The following DMXL1 variants were observed in gnomAD, a reference collection of about 807,000 sequenced individuals.
DMXL1 encodes the protein dmX-like protein 1.
In DMXL1, 99 loss-of-function variants were observed where a neutral mutation model predicts 319.2. The observed-to-expected ratio is 0.31, with a 90% confidence interval of 0.26 to 0.37. DMXL1 has a LOEUF of 0.37. Among genes scored for constraint, DMXL1 ranks in the 10% least tolerant of loss-of-function variants. The pLI is 1.00. For synonymous variants in DMXL1, 1,385 were observed against 1,235.2 expected (o/e 1.12, Z -2.54); for missense variants, 3,745 against 3,595.6 (o/e 1.04, Z -1.06).
chr5:119,200,611 T>G (rs1041788044), intron 32 of DMXL1, among the ~76,000 whole-genome samples: 8 of 152,154 alleles, frequency 5.3e-5, no homozygotes, highest in Non-Finnish European at 8.8e-5. Flanking sequence ...GTGAAGAATG[T>G]TGGTGGTGGT....
chr5:119,244,290 T>C, intron 42 of DMXL1, 69 bp from the exon 43 acceptor site: 4 of 1,279,222 alleles, frequency 3.1e-6, no homozygotes, highest in Non-Finnish European at 4.3e-6. Context: ...TATTTCACTT[T>C]AGCCAAAAGC....
intron 28 of DMXL1, 102 bp downstream of exon 28, chr5:119,178,346 A>G: frequency 7.5e-7 from 1 of 1,328,764 alleles, no homozygotes; most frequent in East Asian, 2.4e-5. Flanking sequence ...AGTTCTGGTT[A>G]GAGACCATTT....
intron 1 of DMXL1, among the ~76,000 whole-genome samples, chr5:119,077,859 ACG>A (rs1491425689): frequency 8.0e-6 from 1 of 124,308 alleles, no homozygotes; most frequent in African/African-American, 3.3e-5. Context: ...GTGTATATAT[ACG>A]TGTGTGTGTG....
Position 119,164,651 on chromosome 5 carries a change from G to T in DMXL1, c.4847G>T (p.Arg1616Leu), listed in dbSNP as rs372431475. The change falls in exon 20 of 44, where the codon CGC (arginine) becomes CTC (leucine). Residue 1616 changes from arginine to leucine, a missense_variant. Arg to Leu is a moderately radical substitution (Grantham distance 102). This residue lies in a region of DMXL1 where 2,096 missense variants were observed against 1,985.4 expected (regional missense o/e 1.06). Transcript: ENST00000539542. ...GTGGGGTGGTGGGTCCGGAATACCC[G>T]CATCTTACGCAAATGCATAGAAAAA... The part of the protein sequence containing the change: ...MGVGWWVRNT[R>L]ILRKCIEKVA... The T allele has an allele frequency of 1.9e-6, 3 of 1,600,418 alleles. No individual in the cohort carries two copies. Among genetic ancestry groups the T allele is most frequent in the Admixed American group, 1.7e-5 (1 of 59,118 alleles).
chr5:119,133,606 A>T lies in DMXL1; in HGVS notation c.1682A>T (p.Gln561Leu), dbSNP rs780502662. The change falls in exon 12 of 44, where the codon CAG becomes CTG. Residue 561 changes from glutamine to leucine, a missense_variant. Physicochemically the swap from Gln to Leu is moderately radical, Grantham distance 113. Coordinates refer to ENST00000539542, the MANE Select transcript of DMXL1 (RefSeq NM_001290321.3). ...CTKNVDLAIQ[Q>L]GKQKPSGLTR... ...AAGAATGTTGACTTGGCTATTCAGC[A>T]GGGGAAACAAAAACCTTCTGGCCTC... 8 of 1,614,232 alleles carry T rather than the reference A, an allele frequency of 5.0e-6. No homozygotes were observed. Among genetic ancestry groups the T allele is most frequent in the Non-Finnish European group, 6.8e-6 (8 of 1,180,042 alleles).
At chr5:119,118,432 GT>G (rs1285306048) in intron 7 of DMXL1, among the ~76,000 whole-genome samples, 2 of 152,056 alleles carry the variant, frequency 1.3e-5, no homozygotes, top group Admixed American at 6.6e-5. Flanking sequence ...CTCAGTCTTT[GT>G]TTTTTTAGAT....
Position 119,071,560 on chromosome 5 carries a change from G to C in DMXL1, c.-10G>C. On this transcript the variant is annotated 5_prime_UTR_variant, in exon 1 of 44. An upstream open reading frame in the 5' UTR loses its in-frame stop. Coordinates refer to ENST00000539542, the MANE Select transcript of DMXL1 (RefSeq NM_001290321.3). ...GGATGCGGTGTCCGTTGCAGGACTA[G>C]GGCGCCGACATGAACCTGCACCAGG... The C allele has an allele frequency of 6.2e-7, 1 of 1,600,450 alleles. No homozygotes were observed. The highest frequency in any genetic ancestry group is 8.5e-7 in the Non-Finnish European group (1 of 1,173,786).
intron 9 of DMXL1, among the ~76,000 whole-genome samples, chr5:119,126,215 G>A (rs1173897477): frequency 2.6e-5 from 4 of 152,240 alleles, no homozygotes; most frequent in South Asian, 2.1e-4. Flanking sequence ...CCTGGGAGGC[G>A]GAGGTTGTAG....
intron 30 of DMXL1, among the ~76,000 whole-genome samples, 185 bp downstream of exon 30, chr5:119,194,155 C>G (rs79796000): frequency 6.6e-6 from 1 of 152,070 alleles, no homozygotes; most frequent in African/African-American, 2.4e-5. Context: ...CTTTATAACA[C>G]ATTGTAACTC....
intron 1 of DMXL1, 36 bp from the exon 2 acceptor site, chr5:119,097,943 G>T: frequency 2.0e-6 from 3 of 1,534,110 alleles, no homozygotes; most frequent in Middle Eastern, 2.0e-4. Flanking sequence ...ATGTTTCCTT[G>T]ACACTTTTAT....
At position 119,105,278 on chromosome 5, in the gene DMXL1, T is replaced by C; in HGVS notation, c.364+20T>C. 1 of 1,573,704 alleles carries C rather than the reference T, an allele frequency of 6.4e-7. No homozygotes were observed. The highest frequency in any genetic ancestry group is 2.2e-5 in the East Asian group (1 of 44,552). ...CCACAGGTAAGAAAATAAGCAGGATTAACTAAAATGAAATATCACTTGCCT... is the reference window on the plus strand; with the variant it reads ...CCACAGGTAAGAAAATAAGCAGGATCAACTAAAATGAAATATCACTTGCCT... On this transcript the variant is annotated intron_variant, in intron 4 of 43. Coordinates refer to ENST00000539542, the MANE Select transcript of DMXL1 (RefSeq NM_001290321.3).
rs192042332 is a variant in DMXL1, at chr5:119,190,440, G to A, written c.7314+554G>A. Among the ~76,000 whole-genome samples, 141 of 152,280 alleles carry A rather than the reference G, an allele frequency of 9.3e-4. 1 individual carries two copies. Among genetic ancestry groups the A allele is most frequent in the African/African-American group, 3.2e-3 (135 of 41,568 alleles). Reference sequence around the variant, plus strand: ...TTTTGATCAGTGACCAATCATGTCAGTTCTTTTAAAGTCTTTCAGTGATTG... The same window carrying A: ...TTTTGATCAGTGACCAATCATGTCAATTCTTTTAAAGTCTTTCAGTGATTG... On this transcript the variant is annotated intron_variant, in intron 29 of 43. Coordinates refer to ENST00000539542, the MANE Select transcript of DMXL1 (RefSeq NM_001290321.3).
At chr5:119,159,601 A>T (rs1220342844) in intron 19 of DMXL1, among the ~76,000 whole-genome samples, 1 of 152,114 alleles carries the variant, frequency 6.6e-6, no homozygotes, top group Non-Finnish European at 1.5e-5. Flanking sequence ...TCTCTTCGTT[A>T]ACTTCTAATT....
At chr5:119,194,839 G>A (rs1779324023) in intron 30 of DMXL1, among the ~76,000 whole-genome samples, 1 of 152,108 alleles carries the variant, frequency 6.6e-6, no homozygotes, top group African/African-American at 2.4e-5. Context: ...CAGATCACTT[G>A]AGCGCAGGAG....
chr5:119,202,992 G>C (rs1781101066), intron 32 of DMXL1, among the ~76,000 whole-genome samples: 1 of 148,356 alleles, frequency 6.7e-6, no homozygotes. Context: ...TTTTAATTTA[G>C]ACATATATAT....
chr5:119,129,383 T>G lies in DMXL1; in HGVS notation c.1275T>G (p.Ser425Arg). ...TTGAACAACCATCTTCTGAGGCCAG[T>G]GTAGAAGATTCTAATCAGGCAGATG... Reference protein sequence around the residue: ...KSFEQPSSEASVEDSNQADVK... With the variant: ...KSFEQPSSEARVEDSNQADVK... The change falls in exon 10 of 44, where the codon AGT becomes AGG. Residue 425 changes from serine (S) to arginine (R), a missense_variant. Ser to Arg is a moderately radical substitution (Grantham distance 110, BLOSUM62 -1). Coordinates refer to ENST00000539542, the MANE Select transcript of DMXL1 (RefSeq NM_001290321.3). The G allele has an allele frequency of 6.2e-7, 1 of 1,613,154 alleles. No homozygotes were observed. Among genetic ancestry groups the G allele is most frequent in the Non-Finnish European group, 8.5e-7 (1 of 1,179,706 alleles).
At chr5:119,075,330 C>G (rs1247715821) in intron 1 of DMXL1, among the ~76,000 whole-genome samples, 5 of 151,152 alleles carry the variant, frequency 3.3e-5, no homozygotes, top group African/African-American at 7.3e-5. Flanking sequence ...ACCTCCGCCT[C>G]CCGGGTTCAA....
chr5:119,200,613 G>C (rs1332585927), intron 32 of DMXL1, among the ~76,000 whole-genome samples: 2 of 152,068 alleles, frequency 1.3e-5, no homozygotes, highest in Admixed American at 1.3e-4. Context: ...GAAGAATGTT[G>C]GTGGTGGTTT....
Position 119,178,112 on chromosome 5 carries a change from C to T in DMXL1, c.7003C>T (p.Leu2335=), listed in dbSNP as rs1347683244. 3.1e-6 allele frequency: 5 copies of T among 1,613,900 alleles called. No individual in the cohort carries two copies. The highest frequency in any genetic ancestry group is 2.2e-5 in the South Asian group (2 of 91,086). Residue 2335 remains leucine (L), a synonymous_variant, in exon 28 of 44, where the codon CTG becomes TTG. Transcript: ENST00000539542. Reference sequence around the variant, plus strand: ...GTATCTTAGTCTCTTCATCCATGGCCTGGCCACACATTCAAGTAATGAGCT... The same window carrying T: ...GTATCTTAGTCTCTTCATCCATGGCTTGGCCACACATTCAAGTAATGAGCT... ...AVYLSLFIHG[L]ATHSSNELFR...
Sources: gnomAD v4.1 joint callset for allele counts (sites outside exome capture counted in the v4.1 genomes callset) on GRCh38, gnomAD v4.1.1 for gene constraint, gnomAD v4.1.1 regional missense constraint, MANE v1.5 for transcripts, NCBI Gene and HGNC (gene_info 2026-07-23, HGNC 2026-07-21) for gene names.